The following NEDD4L variants were observed in gnomAD, a reference collection of about 807,000 sequenced individuals.
NEDD4L encodes the protein E3 ubiquitin-protein ligase NEDD4-like.
A neutral mutation model predicts 148.9 loss-of-function variants in NEDD4L; 54 were observed. The observed-to-expected ratio is 0.36, with a 90% CI of 0.29 to 0.45. NEDD4L has a LOEUF of 0.45. Ranked by LOEUF, NEDD4L falls within the 20% of genes least tolerant of loss-of-function variation. The pLI, the probability that NEDD4L is intolerant of heterozygous loss-of-function variation, is 1.00. For missense variants in NEDD4L, 856 were observed against 1,233.8 expected (o/e 0.69, Z 4.59); for synonymous variants, 433 against 440.7 (o/e 0.98, Z 0.22).
At chr18:58,194,116 C>G (rs2040411783) in intron 2 of NEDD4L, 1 of 152,260 alleles carries the variant, frequency 6.6e-6, no homozygotes, top group South Asian at 2.1e-4. Flanking sequence ...GAAAGAAGAT[C>G]TGGTGGGAAA....
At position 58,216,187 on chromosome 18, in the gene NEDD4L, T is replaced by C. The variant is rs73452671; in HGVS notation, c.123-29240T>C. On this transcript the variant is annotated intron_variant, in intron 2 of 30. Transcript: ENST00000400345. ...CAGAGAAGAGAGCAGCCCTGAAGAT[T>C]TGGGGGAGGAGTGTTCGTAGAGAGG... 8.1e-3 allele frequency among the ~76,000 whole-genome samples: 1,227 copies of C among 151,984 alleles called. 13 individuals are homozygous for C. Among genetic ancestry groups the C allele is most frequent in the African/African-American group, 0.027 (1,107 of 41,420 alleles).
intron 1 of NEDD4L, among the ~76,000 whole-genome samples, chr18:58,106,941 A>G (rs1390014807): frequency 6.6e-6 from 1 of 152,162 alleles, no homozygotes; most frequent in Non-Finnish European, 1.5e-5. Context: ...TGCTGTAACA[A>G]CTGCAGATGG....
intron 5 of NEDD4L, among the ~76,000 whole-genome samples, chr18:58,275,074 C>T (rs1454217997): frequency 6.6e-6 from 1 of 152,166 alleles, no homozygotes; most frequent in Non-Finnish European, 1.5e-5. Context: ...AATCTTTTGA[C>T]TCCCCCACAA....
chr18:58,293,121 A>G (rs190897546), intron 5 of NEDD4L, among the ~76,000 whole-genome samples: 74 of 152,358 alleles, frequency 4.9e-4, no homozygotes, highest in African/African-American at 1.8e-3. Flanking sequence ...GTCGAATAAT[A>G]CAAGAGGAAA....
chr18:58,206,895 A>C (rs1432125974), intron 2 of NEDD4L, among the ~76,000 whole-genome samples: 1 of 152,174 alleles, frequency 6.6e-6, no homozygotes, highest in Non-Finnish European at 1.5e-5. Flanking sequence ...GTTGGGGTAC[A>C]CCACTTGCTA....
At chr18:58,213,380 T>C (rs886810788) in intron 2 of NEDD4L, among the ~76,000 whole-genome samples, 3 of 152,234 alleles carry the variant, frequency 2.0e-5, no homozygotes, top group Admixed American at 2.0e-4. Flanking sequence ...CCATGTAATA[T>C]TATGAGAGAA....
In NEDD4L at chr18:58,179,614, G is replaced by A. The variant is rs139891249; in HGVS notation, c.122+13753G>A. On this transcript the variant is annotated intron_variant, in intron 2 of 30. Coordinates refer to ENST00000400345, the MANE Select transcript of NEDD4L (RefSeq NM_001144967.3). Reference sequence around the variant, plus strand: ...TGCTGCCTGAGCTCCGCTGCCTCTCGGATCAGCCACCAGCATTAGATTCTC... The same window carrying A: ...TGCTGCCTGAGCTCCGCTGCCTCTCAGATCAGCCACCAGCATTAGATTCTC... Among the ~76,000 whole-genome samples, 44 of 152,088 alleles carry A rather than the reference G, an allele frequency of 2.9e-4. No homozygotes were observed. In the East Asian group the frequency reaches 7.0e-3, roughly 24 times the overall value.
chr18:58,304,193 A>G (rs960483964), intron 5 of NEDD4L, among the ~76,000 whole-genome samples: 6 of 152,072 alleles, frequency 3.9e-5, no homozygotes, highest in African/African-American at 1.4e-4. Flanking sequence ...CCAAATGTTA[A>G]TGATGCTGAC....
intron 9 of NEDD4L, among the ~76,000 whole-genome samples, chr18:58,325,901 AAAAG>A: frequency 6.6e-6 from 1 of 152,336 alleles, no homozygotes; most frequent in South Asian, 2.1e-4. Flanking sequence ...TCGAAGGGCA[AAAAG>A]AAAGTCTTAA....
chr18:58,156,130 G>A (rs1444231406), intron 1 of NEDD4L, among the ~76,000 whole-genome samples: 1 of 152,158 alleles, frequency 6.6e-6, no homozygotes, highest in Non-Finnish European at 1.5e-5. Flanking sequence ...ACTTTCTTAT[G>A]TAGTTCTTCT....
intron 2 of NEDD4L, among the ~76,000 whole-genome samples, chr18:58,179,982 G>A (rs1353812060): frequency 1.3e-5 from 2 of 152,168 alleles, no homozygotes; most frequent in Non-Finnish European, 2.9e-5. Context: ...TGCCAAAAAA[G>A]TTGGGGACCG....
At chr18:58,084,953 C>T (rs537887644) in intron 1 of NEDD4L, among the ~76,000 whole-genome samples, 1 of 152,196 alleles carries the variant, frequency 6.6e-6, no homozygotes, top group African/African-American at 2.4e-5. Context: ...CCTCAGCCCC[C>T]CAACATGCTA....
chr18:58,291,950 C>G (rs1048669362), intron 5 of NEDD4L, among the ~76,000 whole-genome samples: 2 of 152,194 alleles, frequency 1.3e-5, no homozygotes, highest in African/African-American at 4.8e-5. Flanking sequence ...CCTGGGATAT[C>G]ACCAGTATAA....
rs2050734509 is a variant in NEDD4L at position 58,399,767 on chromosome 18, T to C, written c.*3498T>C. On this transcript the variant is annotated 3_prime_UTR_variant, in exon 31 of 31. Coordinates refer to ENST00000400345, the MANE Select transcript of NEDD4L (RefSeq NM_001144967.3). ...TTCCAAAGTGCTGGGATTACAAGCATGAGCCACCGCACCCGGCCTCACAGT... is the reference window on the plus strand; with the variant it reads ...TTCCAAAGTGCTGGGATTACAAGCACGAGCCACCGCACCCGGCCTCACAGT... 1 of 152,220 alleles carries C rather than the reference T, an allele frequency of 6.6e-6. No individual in the cohort carries two copies. Among genetic ancestry groups the C allele is most frequent in the African/African-American group, 2.4e-5 (1 of 41,442 alleles). 9.4% of individuals were successfully genotyped at this position (152,220 alleles called of 1,614,324 possible).
intron 18 of NEDD4L, among the ~76,000 whole-genome samples, chr18:58,355,805 T>G (rs910338036): frequency 2.1e-5 from 3 of 141,896 alleles, no homozygotes; most frequent in African/African-American, 7.4e-5. Context: ...TTGGTAGCTT[T>G]TTTTTTTTTT....
At chr18:58,323,773 C>T (rs1047204738) in intron 8 of NEDD4L, among the ~76,000 whole-genome samples, 48 of 152,180 alleles carry the variant, frequency 3.2e-4, no homozygotes, top group African/African-American at 1.0e-3. Context: ...GTAGAAAAAC[C>T]CTCCTCTAGA....
At position 58,370,011 on chromosome 18, in the gene NEDD4L, C is replaced by T. The variant is rs1165020646; in HGVS notation, c.2186-386C>T. Among the ~76,000 whole-genome samples the T allele has an allele frequency of 4.6e-5, 7 of 152,250 alleles. No homozygotes were observed. The East Asian group carries it at 1.2e-3, about 25-fold the overall frequency. On this transcript the variant is annotated intron_variant, in intron 22 of 30. Transcript: ENST00000400345. ...GCACCCCATGTGGGCTCTGCACTGCCGGCCCCTTCTCTGGCCTGTCTACCC... is the reference window on the plus strand; with the variant it reads ...GCACCCCATGTGGGCTCTGCACTGCTGGCCCCTTCTCTGGCCTGTCTACCC...
intron 1 of NEDD4L, among the ~76,000 whole-genome samples, chr18:58,164,698 T>C (rs1268873871): frequency 6.6e-6 from 1 of 152,206 alleles, no homozygotes; most frequent in Non-Finnish European, 1.5e-5. Context: ...CTCGAACTCC[T>C]GTCCTCGTGA....
chr18:58,389,943 A>G (rs1310081673), intron 28 of NEDD4L: 1 of 152,182 alleles, frequency 6.6e-6, no homozygotes, highest in Non-Finnish European at 1.5e-5. Flanking sequence ...TGCTGGGATT[A>G]CAGGCATGAG....
Sources: allele counts gnomAD v4.1 joint callset (sites outside exome capture counted in the v4.1 genomes callset), GRCh38; gene constraint gnomAD v4.1.1; transcripts MANE v1.5; gene names NCBI Gene and HGNC (gene_info 2026-07-23, HGNC 2026-07-21).